Variants in MPPED2 observed in about 807,000 individuals in gnomAD.
MPPED2 encodes the protein metallophosphoesterase MPPED2.
Under a neutral mutation model 33.0 loss-of-function variants are expected in MPPED2, and 5 were observed. That is an observed-to-expected ratio of 0.15 (90% CI 0.08 to 0.32). The LOEUF is 0.32. MPPED2 is among the 10% of genes least tolerant of loss of function. MPPED2 has a pLI of 1.00. For missense variants in MPPED2, 275 were observed against 372.1 expected (o/e 0.74, Z 2.15); for synonymous variants, 136 against 141.9 (o/e 0.96, Z 0.29).
At chr11:30,466,204 T>G (rs1002169409) in intron 4 of MPPED2, among the ~76,000 whole-genome samples, 1 of 152,256 alleles carries the variant, frequency 6.6e-6, no homozygotes, top group African/African-American at 2.4e-5. Flanking sequence ...ATATAGAATC[T>G]AAGCTTCTGA....
At chr11:30,424,730 A>G (rs1948755472) in intron 4 of MPPED2, among the ~76,000 whole-genome samples, 1 of 151,970 alleles carries the variant, frequency 6.6e-6, no homozygotes, top group Non-Finnish European at 1.5e-5. Context: ...AAGGCCATGT[A>G]CCACCCCACC....
chr11:30,499,064 C>T (rs887191143), intron 3 of MPPED2, among the ~76,000 whole-genome samples: 1 of 152,336 alleles, frequency 6.6e-6, no homozygotes, highest in Non-Finnish European at 1.5e-5. Context: ...GTGCCCCACA[C>T]TCCAGCCACT....
intron 3 of MPPED2, among the ~76,000 whole-genome samples, chr11:30,525,313 G>T (rs541054883): frequency 6.6e-6 from 1 of 152,234 alleles, no homozygotes; most frequent in Non-Finnish European, 1.5e-5. Context: ...TAGGACACAA[G>T]AGTCCTGCTC....
intron 6 of MPPED2, among the ~76,000 whole-genome samples, chr11:30,403,848 A>G (rs1947949572): frequency 1.3e-5 from 2 of 152,226 alleles, no homozygotes; most frequent in Non-Finnish European, 2.9e-5. Context: ...AGAAAGGGCT[A>G]TATGTCTTCA....
chr11:30,509,643 T>C (rs913665684), intron 3 of MPPED2, among the ~76,000 whole-genome samples: 9 of 152,174 alleles, frequency 5.9e-5, no homozygotes, highest in Admixed American at 2.0e-4. Context: ...CTGGGTCAGA[T>C]GAAAGAATCC....
chr11:30,388,391 T>TC (rs1947728984), exon 7 of MPPED2: 1 of 152,786 alleles, frequency 6.5e-6, no homozygotes, highest in Middle Eastern at 3.1e-3. Context: ...CCAGCCGCTC[T>TC]CCCACAGAGG....
intron 4 of MPPED2, among the ~76,000 whole-genome samples, chr11:30,431,145 T>C (rs1293829927): frequency 6.6e-6 from 1 of 152,180 alleles, no homozygotes; most frequent in East Asian, 1.9e-4. Context: ...ATGTGGGGCT[T>C]TTTTTGCAGC....
At chr11:30,508,274 A>T (rs925157373) in intron 3 of MPPED2, among the ~76,000 whole-genome samples, 12 of 152,210 alleles carry the variant, frequency 7.9e-5, no homozygotes, top group Admixed American at 2.6e-4. Context: ...GAAAAAATTT[A>T]AAAAATGTGT....
intron 6 of MPPED2, 114 bp from the exon 7 acceptor site, chr11:30,411,700 T>G: frequency 1.5e-6 from 1 of 661,532 alleles, no homozygotes; most frequent in Non-Finnish European, 2.4e-6. Context: ...TGAGATGAAA[T>G]TCAGTTGAGC....
At chr11:30,417,789 T>G (rs781638023) in intron 4 of MPPED2, among the ~76,000 whole-genome samples, 156 bp from the exon 5 acceptor site, 5 of 152,190 alleles carry the variant, frequency 3.3e-5, no homozygotes, top group Non-Finnish European at 7.3e-5. Flanking sequence ...GTTGACTGCT[T>G]CAAAACCAAT....
At chr11:30,399,875 T>C (rs2482465) in intron 6 of MPPED2, among the ~76,000 whole-genome samples, 17,667 of 152,216 alleles carry the variant, frequency 0.12, 1,089 homozygotes, top group Admixed American at 0.19. Flanking sequence ...CCATATATAC[T>C]TTTTAAAAAA....
intron 4 of MPPED2, among the ~76,000 whole-genome samples, chr11:30,479,060 AT>A: frequency 6.6e-6 from 1 of 152,214 alleles, no homozygotes; most frequent in East Asian, 1.9e-4. Flanking sequence ...GCCGTGGGAC[AT>A]TTTCCCAGAG....
intron 3 of MPPED2, among the ~76,000 whole-genome samples, chr11:30,511,414 T>A (rs1248908406): frequency 6.6e-6 from 1 of 152,182 alleles, no homozygotes; most frequent in Non-Finnish European, 1.5e-5. Context: ...AGGAAGAGAA[T>A]TAGCAGGTCC....
At chr11:30,557,087 T>C (rs1204712186) in intron 2 of MPPED2, among the ~76,000 whole-genome samples, 1 of 151,890 alleles carries the variant, frequency 6.6e-6, no homozygotes, top group Non-Finnish European at 1.5e-5. Context: ...TCCCCCATAA[T>C]GCATTTATGA....
intron 4 of MPPED2, chr11:30,451,999 C>T (rs1306493547): frequency 5.1e-6 from 5 of 985,316 alleles, no homozygotes; most frequent in African/African-American, 1.7e-5. Context: ...AGCCGTAAAA[C>T]GATTCCCATT....
At chr11:30,481,604 G>C (rs1951491338) in intron 4 of MPPED2, among the ~76,000 whole-genome samples, 1 of 152,120 alleles carries the variant, frequency 6.6e-6, no homozygotes, top group African/African-American at 2.4e-5. Context: ...GAGGAGGGGA[G>C]CTTACAGCAC....
At chr11:30,424,464 C>T (rs914922982) in intron 4 of MPPED2, among the ~76,000 whole-genome samples, 1 of 152,180 alleles carries the variant, frequency 6.6e-6, no homozygotes, top group Non-Finnish European at 1.5e-5. Flanking sequence ...CTAATTTAAC[C>T]ACCGCTGGTT....
At chr11:30,482,692 T>C (rs934070447) in intron 4 of MPPED2, among the ~76,000 whole-genome samples, 2 of 152,216 alleles carry the variant, frequency 1.3e-5, no homozygotes, top group Non-Finnish European at 2.9e-5. Context: ...GGCATATTTG[T>C]ATTCTGCTTA....
exon 7 of MPPED2, chr11:30,386,335 A>G (rs1223575917): frequency 6.1e-6 from 1 of 164,066 alleles, no homozygotes; most frequent in Admixed American, 6.4e-5. Context: ...CTAGGAGAAA[A>G]GAATGGTTTG....
Sources: gnomAD v4.1 joint callset for allele counts (sites outside exome capture counted in the v4.1 genomes callset) on GRCh38, gnomAD v4.1.1 for gene constraint, MANE v1.5 for transcripts, NCBI Gene and HGNC (gene_info 2026-07-23, HGNC 2026-07-21) for gene names.